The following DAPK1 variants were observed in gnomAD, a reference collection of about 807,000 sequenced individuals.
The protein encoded by DAPK1 is death associated protein kinase 1.
DAPK1 carries 56 observed loss-of-function variants against 144.9 expected under a neutral mutation model. The observed-to-expected ratio is 0.39, with a 90% CI of 0.31 to 0.48. DAPK1 has a LOEUF of 0.48. Among genes scored for constraint, DAPK1 ranks in the 20% least tolerant of loss-of-function variants. The pLI is 0.95. For missense variants in DAPK1, 1,454 were observed against 1,875.4 expected (o/e 0.78, Z 4.15); for synonymous variants, 690 against 749.0 (o/e 0.92, Z 1.29).
chr9:87,643,327 CT>C lies in DAPK1; in HGVS notation c.919-44del, dbSNP rs529695908. The C allele has an allele frequency of 1.1e-3, 1,322 of 1,229,818 alleles. 26 individuals are homozygous for C. In the Admixed American group the frequency reaches 0.028, roughly 26 times the overall value. The allele number at this position is 1,229,818 out of a possible 1,614,324, so 76.2% of individuals were successfully genotyped here. A position where few individuals can be genotyped will look rare whatever the true frequency, so the allele number is the denominator to read the frequency against. On this transcript the variant is annotated intron_variant, in intron 10 of 25. Coordinates refer to ENST00000408954, the MANE Select transcript of DAPK1 (RefSeq NM_004938.4). The stretch of plus-strand genomic sequence containing the variant: ...GCTGTCTCTCCTCCTCTCACCCTGC[CT>C]TTTTCCTCCCCGCCCTCCCTTTTTT...
At chr9:87,535,043 A>C (rs1825815478) in intron 2 of DAPK1, among the ~76,000 whole-genome samples, 1 of 152,158 alleles carries the variant, frequency 6.6e-6, no homozygotes, top group Non-Finnish European at 1.5e-5. Flanking sequence ...TAAAGGAGAA[A>C]TCCTCACCAT....
At chr9:87,513,236 C>G (rs1170402851) in intron 2 of DAPK1, among the ~76,000 whole-genome samples, 2 of 152,242 alleles carry the variant, frequency 1.3e-5, no homozygotes, top group African/African-American at 2.4e-5. Context: ...TCTGAATGAT[C>G]TTGCTGCAGT....
chr9:87,589,756 A>C (rs1345912658), intron 2 of DAPK1, among the ~76,000 whole-genome samples: 3 of 152,152 alleles, frequency 2.0e-5, no homozygotes, highest in African/African-American at 7.2e-5. Flanking sequence ...AGCCATTCAA[A>C]AGTGTGATAA....
chr9:87,646,786 T>G (rs1033532006), intron 13 of DAPK1, among the ~76,000 whole-genome samples: 5 of 152,200 alleles, frequency 3.3e-5, no homozygotes, highest in Non-Finnish European at 4.4e-5. Flanking sequence ...CATCAGCATT[T>G]CTTTGTACAC....
At chr9:87,571,779 A>T (rs1827372157) in intron 2 of DAPK1, among the ~76,000 whole-genome samples, 1 of 152,058 alleles carries the variant, frequency 6.6e-6, no homozygotes, top group Non-Finnish European at 1.5e-5. Context: ...GTTTTGGGGG[A>T]TACCCTTGAT....
chr9:87,540,183 C>CTTTTTTTT (rs33925780), intron 2 of DAPK1, among the ~76,000 whole-genome samples: 12 of 66,134 alleles, frequency 1.8e-4, no homozygotes, highest in Admixed American at 6.4e-4. Context: ...TTGTTAATCT[C>CTTTTTTTT]TTTTTTTTTT....
At chr9:87,502,206 A>G (rs555863586) in intron 2 of DAPK1, among the ~76,000 whole-genome samples, 6 of 152,084 alleles carry the variant, frequency 3.9e-5, no homozygotes, top group African/African-American at 9.6e-5. Context: ...AGCCTCCACT[A>G]TGATTCTGAA....
chr9:87,681,705 A>C (rs2119336581), intron 20 of DAPK1, 79 bp downstream of exon 20: 1 of 791,636 alleles, frequency 1.3e-6, no homozygotes, highest in African/African-American at 1.7e-5. Context: ...CTAGGGGGGA[A>C]GGGAGTTGTG....
chr9:87,531,190 T>C (rs1825687086), intron 2 of DAPK1, among the ~76,000 whole-genome samples: 1 of 152,186 alleles, frequency 6.6e-6, no homozygotes, highest in African/African-American at 2.4e-5. Context: ...GCTTTTCGTT[T>C]CCACTGCAGT....
chr9:87,635,710 T>C (rs1391898596), intron 3 of DAPK1, among the ~76,000 whole-genome samples: 1 of 152,210 alleles, frequency 6.6e-6, no homozygotes, highest in Non-Finnish European at 1.5e-5. Flanking sequence ...CCTTTCATCC[T>C]CATAACCTTC....
At chr9:87,557,350 C>CT (rs1826756384) in intron 2 of DAPK1, among the ~76,000 whole-genome samples, 2 of 152,192 alleles carry the variant, frequency 1.3e-5, no homozygotes, top group Non-Finnish European at 2.9e-5. Context: ...CTGTCGTGTT[C>CT]TTTCTACGTT....
intron 25 of DAPK1, among the ~76,000 whole-genome samples, chr9:87,705,473 C>T (rs1344500375): frequency 6.6e-6 from 1 of 152,074 alleles, no homozygotes; most frequent in Non-Finnish European, 1.5e-5. Flanking sequence ...CCACCCGCCT[C>T]GGCCTCCCAA....
intron 2 of DAPK1, among the ~76,000 whole-genome samples, chr9:87,533,749 G>A (rs1419312427): frequency 2.6e-5 from 4 of 152,240 alleles, no homozygotes; most frequent in Admixed American, 6.5e-5. Flanking sequence ...TGCAACCTCC[G>A]CCTCTCTGGC....
intron 2 of DAPK1, among the ~76,000 whole-genome samples, chr9:87,589,300 A>G (rs1828045342): frequency 6.6e-6 from 1 of 152,074 alleles, no homozygotes; most frequent in Non-Finnish European, 1.5e-5. Flanking sequence ...TTCATGGCAG[A>G]TGTCTAACTT....
intron 19 of DAPK1, among the ~76,000 whole-genome samples, chr9:87,679,598 T>C (rs1230597512): frequency 6.6e-6 from 1 of 152,182 alleles, no homozygotes; most frequent in Non-Finnish European, 1.5e-5. Flanking sequence ...GTGAAATTGT[T>C]CACATGTCTG....
intron 2 of DAPK1, among the ~76,000 whole-genome samples, chr9:87,575,755 A>G (rs1013959368): frequency 2.0e-5 from 3 of 152,182 alleles, no homozygotes; most frequent in African/African-American, 7.2e-5. Context: ...CTAACAGCAA[A>G]CACAAAGTAT....
chr9:87,539,430 C>CTTTTTTTTT lies in DAPK1; in HGVS notation c.62+40300_62+40308dup, dbSNP rs34369093. On this transcript the variant is annotated intron_variant, in intron 2 of 25. Transcript: ENST00000408954. The stretch of plus-strand genomic sequence containing the variant: ...CAATTTATAAGTTTTAAATTTCTCA[C>CTTTTTTTTT]TTTTTTTTTTTTTTTTTGAGACAGA... Among the ~76,000 whole-genome samples the CTTTTTTTTT allele has an allele frequency of 2.3e-5, 3 of 129,258 alleles. 1 individual carries two copies. Among genetic ancestry groups the CTTTTTTTTT allele is most frequent in the Non-Finnish European group, 1.6e-5 (1 of 63,522 alleles). The allele number at this position is 129,258 out of a possible 152,430, so 84.8% of individuals were successfully genotyped here. A position where few individuals can be genotyped will look rare whatever the true frequency, so the allele number is the denominator to read the frequency against.
At chr9:87,694,122 A>T (rs1251949078) in intron 21 of DAPK1, among the ~76,000 whole-genome samples, 1 of 152,186 alleles carries the variant, frequency 6.6e-6, no homozygotes, top group African/African-American at 2.4e-5. Flanking sequence ...TTCCCTGGGC[A>T]GCAGGCGTGG....
intron 2 of DAPK1, among the ~76,000 whole-genome samples, chr9:87,557,470 G>A (rs922214284): frequency 1.3e-5 from 2 of 152,144 alleles, no homozygotes; most frequent in Non-Finnish European, 1.5e-5. Context: ...AAACCATGCC[G>A]ATTAAGGAAT....
Sources: gnomAD v4.1 joint callset for allele counts (sites outside exome capture counted in the v4.1 genomes callset) on GRCh38, gnomAD v4.1.1 for gene constraint, MANE v1.5 for transcripts, NCBI Gene and HGNC (gene_info 2026-07-23, HGNC 2026-07-21) for gene names.